The following GMDS variants were observed in gnomAD, a reference collection of about 807,000 sequenced individuals.
GMDS encodes GDP-mannose 4,6-dehydratase, also known as GDP-mannose 4,6 dehydratase.
A neutral mutation model predicts 49.9 loss-of-function variants in GMDS; 20 were observed. The ratio of observed to expected loss-of-function variants is 0.40; its 90% CI spans 0.28 to 0.58. GMDS has a LOEUF of 0.58. GMDS is among the 20% of genes least tolerant of loss of function. The pLI is 0.42. For synonymous variants in GMDS, 177 were observed against 178.6 expected (o/e 0.99, Z 0.07); for missense variants, 362 against 481.4 (o/e 0.75, Z 2.32).
In GMDS at chr6:1,739,201, T is replaced by G. The variant is rs937784491; in HGVS notation, c.890+3267A>C. ...AGTGCACATAAAGGAAAGAGGAGCG[T>G]CTTGGGTCACAACATACTCATTTCA... On this transcript the variant is annotated intron_variant, in intron 8 of 10. Coordinates refer to ENST00000380815, the MANE Select transcript of GMDS (RefSeq NM_001500.4). Among the ~76,000 whole-genome samples, 10 of 152,236 alleles carry G rather than the reference T, an allele frequency of 6.6e-5. 1 individual carries two copies. In the Middle Eastern group the frequency reaches 0.01, roughly 156 times the overall value.
intron 7 of GMDS, among the ~76,000 whole-genome samples, chr6:1,824,084 T>C (rs536673989): frequency 1.3e-5 from 2 of 152,126 alleles, no homozygotes; most frequent in South Asian, 4.2e-4. Flanking sequence ...GACTCTCCTT[T>C]CTCCCTCATC....
intron 1 of GMDS, among the ~76,000 whole-genome samples, chr6:2,171,330 C>T (rs894191373): frequency 1.3e-5 from 2 of 152,124 alleles, no homozygotes; most frequent in African/African-American, 4.8e-5. Context: ...ATTTTCTTGG[C>T]CCATTCGGTC....
chr6:1,822,445 G>GA lies in GMDS; in HGVS notation c.772-79860dup, dbSNP rs377120256. On this transcript the variant is annotated intron_variant, in intron 7 of 10. Coordinates refer to ENST00000380815, the MANE Select transcript of GMDS (RefSeq NM_001500.4). ...TGAGTTTGTTAGGATGAAAAAGAGG[G>GA]AAAAAAATACATATACAAACTCCGG... Among the ~76,000 whole-genome samples the GA allele has an allele frequency of 1.7e-3, 255 of 151,976 alleles. 1 individual carries two copies. The highest frequency in any genetic ancestry group is 5.6e-3 in the African/African-American group (232 of 41,454).
intron 7 of GMDS, among the ~76,000 whole-genome samples, chr6:1,779,234 T>C (rs1768974683): frequency 2.0e-5 from 3 of 152,286 alleles, no homozygotes; most frequent in Middle Eastern, 3.4e-3. Flanking sequence ...TTTCATCCCC[T>C]GATGCTCCCC....
chr6:1,769,562 C>T (rs898886307), intron 7 of GMDS, among the ~76,000 whole-genome samples: 7 of 152,196 alleles, frequency 4.6e-5, no homozygotes, highest in East Asian at 1.9e-4. Context: ...AGCCACTTAA[C>T]GAGGCTATTA....
At chr6:1,871,887 G>A (rs1342710274) in intron 7 of GMDS, among the ~76,000 whole-genome samples, 1 of 152,204 alleles carries the variant, frequency 6.6e-6, no homozygotes, top group African/African-American at 2.4e-5. Flanking sequence ...TGAGGACGAA[G>A]ATACTGCTAT....
At chr6:1,947,934 T>C (rs957275139) in intron 6 of GMDS, among the ~76,000 whole-genome samples, 3 of 152,218 alleles carry the variant, frequency 2.0e-5, no homozygotes, top group Non-Finnish European at 4.4e-5. Context: ...CATTTTCCCC[T>C]TTATTCCTTC....
intron 1 of GMDS, among the ~76,000 whole-genome samples, chr6:2,177,116 T>C (rs1281042697): frequency 1.3e-5 from 2 of 152,148 alleles, no homozygotes. Context: ...GGAGGCATGT[T>C]TTCCTGTTCA....
intron 4 of GMDS, among the ~76,000 whole-genome samples, chr6:2,041,091 A>G (rs1003635945): frequency 6.6e-6 from 1 of 152,222 alleles, no homozygotes; most frequent in Non-Finnish European, 1.5e-5. Context: ...TACTTGCAGA[A>G]TTCTTGCTCT....
chr6:1,683,340 G>A (rs1398703962), intron 9 of GMDS, among the ~76,000 whole-genome samples: 1 of 152,138 alleles, frequency 6.6e-6, no homozygotes, highest in Admixed American at 6.5e-5. Context: ...AGCCAGGATG[G>A]TCTCCATCTC....
At chr6:1,888,579 C>T (rs1194751372) in intron 7 of GMDS, among the ~76,000 whole-genome samples, 1 of 152,122 alleles carries the variant, frequency 6.6e-6, no homozygotes, top group African/African-American at 2.4e-5. Flanking sequence ...CAAAGCCTAA[C>T]CATATCATTC....
At chr6:1,676,852 C>T (rs1417327826) in intron 9 of GMDS, among the ~76,000 whole-genome samples, 3 of 152,048 alleles carry the variant, frequency 2.0e-5, no homozygotes, top group African/African-American at 7.2e-5. Flanking sequence ...TAGGCAATAC[C>T]ATTCAGGACA....
At chr6:2,212,204 T>C (rs1005566966) in intron 1 of GMDS, among the ~76,000 whole-genome samples, 2 of 152,206 alleles carry the variant, frequency 1.3e-5, no homozygotes, top group Non-Finnish European at 2.9e-5. Flanking sequence ...ACATATGAAT[T>C]CAATTATAAA....
chr6:2,147,056 C>A (rs1776591322), intron 1 of GMDS, among the ~76,000 whole-genome samples: 1 of 152,052 alleles, frequency 6.6e-6, no homozygotes, highest in Non-Finnish European at 1.5e-5. Context: ...CACTGCAGGA[C>A]CAAAGGTGAA....
intron 4 of GMDS, among the ~76,000 whole-genome samples, chr6:2,058,047 A>C (rs1427944358): frequency 6.6e-6 from 1 of 152,040 alleles, no homozygotes; most frequent in Non-Finnish European, 1.5e-5. Flanking sequence ...ACCTCACATC[A>C]AGTGTTTCAA....
intron 7 of GMDS, among the ~76,000 whole-genome samples, chr6:1,862,947 A>G (rs1027201142): frequency 1.3e-5 from 2 of 152,252 alleles, no homozygotes; most frequent in Admixed American, 1.3e-4. Context: ...CAAAAATTGG[A>G]TAAGTTAAAT....
intron 1 of GMDS, among the ~76,000 whole-genome samples, chr6:2,228,263 T>C (rs762287955): frequency 6.6e-6 from 1 of 152,214 alleles, no homozygotes; most frequent in Non-Finnish European, 1.5e-5. Context: ...AAATGAAGAC[T>C]GAAAAGCCAA....
At chr6:1,912,372 A>G (rs994426146) in intron 7 of GMDS, among the ~76,000 whole-genome samples, 2 of 150,462 alleles carry the variant, frequency 1.3e-5, no homozygotes, top group African/African-American at 4.9e-5. Flanking sequence ...TCTAAAAAAA[A>G]TTTTTTAAAA....
At chr6:1,892,132 C>G (rs1329273111) in intron 7 of GMDS, among the ~76,000 whole-genome samples, 2 of 151,780 alleles carry the variant, frequency 1.3e-5, no homozygotes, top group Non-Finnish European at 2.9e-5. Context: ...GTAAGTAGCA[C>G]CTATTATTAA....
Sources: gnomAD v4.1 joint callset for allele counts (sites outside exome capture counted in the v4.1 genomes callset) on GRCh38, gnomAD v4.1.1 for gene constraint, MANE v1.5 for transcripts, NCBI Gene and HGNC (gene_info 2026-07-23, HGNC 2026-07-21) for gene names.